The following MDFIC2 variants were observed in gnomAD, a reference collection of about 807,000 sequenced individuals.
MDFIC2 encodes MyoD family inhibitor domain containing 2.
At chr3:70,294,103 G>A (rs536431163) in intron 2 of MDFIC2, among the ~76,000 whole-genome samples, 2 of 152,136 alleles carry the variant, frequency 1.3e-5, no homozygotes, top group African/African-American at 4.8e-5. Context: ...ACTCATCTAA[G>A]TTTCCTATTC....
intron 2 of MDFIC2, among the ~76,000 whole-genome samples, chr3:70,262,008 C>T (rs1194418520): frequency 6.6e-6 from 1 of 152,164 alleles, no homozygotes; most frequent in East Asian, 1.9e-4. Flanking sequence ...AGAGTTTGAT[C>T]TAACCCCAGA....
intron 3 of MDFIC2, among the ~76,000 whole-genome samples, chr3:70,199,562 C>T (rs550970058): frequency 1.3e-5 from 2 of 152,120 alleles, no homozygotes; most frequent in South Asian, 4.2e-4. Context: ...GAATTGAAAA[C>T]AGATTTTTCC....
At chr3:70,247,975 C>A (rs1322398432) in intron 2 of MDFIC2, among the ~76,000 whole-genome samples, 6 of 151,994 alleles carry the variant, frequency 3.9e-5, no homozygotes, top group African/African-American at 7.2e-5. Context: ...GAATTTAATG[C>A]TACAATGATC....
chr3:70,242,087 T>A (rs547353421), intron 2 of MDFIC2, among the ~76,000 whole-genome samples: 28 of 152,320 alleles, frequency 1.8e-4, no homozygotes, highest in African/African-American at 6.5e-4. Context: ...TAAGGGCCAA[T>A]GATGTGTACT....
chr3:70,196,847 C>G lies in MDFIC2; in HGVS notation c.*79G>C. On this transcript the variant is annotated 3_prime_UTR_variant, in exon 4 of 4. Coordinates refer to ENST00000567252, the MANE Select transcript of MDFIC2 (RefSeq NM_001364677.1). ...AATGTGTACAGTCCTTACATTTCAG[C>G]ACATGGAAATCAGTCTTGTTGTAAT... The G allele has an allele frequency of 2.5e-6, 1 of 397,846 alleles. No homozygotes were observed. The highest frequency in any genetic ancestry group is 4.4e-6 in the Non-Finnish European group (1 of 225,874). 24.6% of individuals were successfully genotyped at this position (397,846 alleles called of 1,614,324 possible).
At position 70,195,435 on chromosome 3, in the gene MDFIC2, G is replaced by C. The variant is rs560603968; in HGVS notation, c.*1491C>G. Among the ~76,000 whole-genome samples the C allele has an allele frequency of 8.5e-5, 13 of 152,272 alleles. No individual in the cohort carries two copies. The highest frequency in any genetic ancestry group is 3.1e-4 in the African/African-American group (13 of 41,532). On this transcript the variant is annotated 3_prime_UTR_variant, in exon 4 of 4. Transcript: ENST00000567252. ...TTGAGAGTGGTTAAATGCCTTTTTAGAGGCAGTTTACAAATATTTTTAACA... is the reference window on the plus strand; with the variant it reads ...TTGAGAGTGGTTAAATGCCTTTTTACAGGCAGTTTACAAATATTTTTAACA...
intron 2 of MDFIC2, among the ~76,000 whole-genome samples, chr3:70,251,371 CT>C (rs1228458668): frequency 6.6e-6 from 1 of 152,146 alleles, no homozygotes; most frequent in African/African-American, 2.4e-5. Context: ...AATAGGGGGA[CT>C]ATCTGATTTT....
intron 2 of MDFIC2, among the ~76,000 whole-genome samples, chr3:70,236,872 C>T (rs1200254352): frequency 6.6e-6 from 1 of 152,190 alleles, no homozygotes; most frequent in Non-Finnish European, 1.5e-5. Flanking sequence ...GTTAGGATTT[C>T]AGGTAACAGC....
intron 2 of MDFIC2, among the ~76,000 whole-genome samples, chr3:70,226,103 G>A (rs974812128): frequency 1.3e-5 from 2 of 152,124 alleles, no homozygotes; most frequent in Non-Finnish European, 2.9e-5. Flanking sequence ...ACATCCCTCA[G>A]AAAACACATA....
At chr3:70,304,581 A>G (rs1312685546) in intron 2 of MDFIC2, among the ~76,000 whole-genome samples, 1 of 152,134 alleles carries the variant, frequency 6.6e-6, no homozygotes, top group Non-Finnish European at 1.5e-5. Flanking sequence ...GTATCACCCC[A>G]CACTAAGGCA....
At chr3:70,244,374 T>C (rs551204415) in intron 2 of MDFIC2, among the ~76,000 whole-genome samples, 1 of 152,336 alleles carries the variant, frequency 6.6e-6, no homozygotes, top group South Asian at 2.1e-4. Context: ...TTATATTTAA[T>C]GGCAGTCTTA....
chr3:70,299,627 A>G (rs185965582), intron 2 of MDFIC2, among the ~76,000 whole-genome samples: 107 of 152,120 alleles, frequency 7.0e-4, no homozygotes, highest in Admixed American at 2.3e-3. Context: ...TTGCCCTGAA[A>G]ACCAATATCT....
At chr3:70,240,161 T>G (rs1038463266) in intron 2 of MDFIC2, among the ~76,000 whole-genome samples, 14 of 152,090 alleles carry the variant, frequency 9.2e-5, no homozygotes, top group Non-Finnish European at 1.9e-4. Flanking sequence ...TATTTTAAAG[T>G]GTAAAATGGC....
At chr3:70,284,871 C>A (rs547188162) in intron 2 of MDFIC2, among the ~76,000 whole-genome samples, 1 of 152,002 alleles carries the variant, frequency 6.6e-6, no homozygotes, top group Non-Finnish European at 1.5e-5. Flanking sequence ...ATGTAACAAA[C>A]CTGCACATGT....
intron 2 of MDFIC2, among the ~76,000 whole-genome samples, chr3:70,246,100 A>G (rs1332820584): frequency 6.6e-6 from 1 of 151,788 alleles, no homozygotes; most frequent in Non-Finnish European, 1.5e-5. Context: ...ACACACCATA[A>G]AAAAAAACCC....
chr3:70,231,558 T>A (rs1701560220), intron 2 of MDFIC2, among the ~76,000 whole-genome samples: 1 of 152,218 alleles, frequency 6.6e-6, no homozygotes, highest in Non-Finnish European at 1.5e-5. Context: ...TTAGTTGTGC[T>A]GGATGATTAC....
chr3:70,242,437 C>G (rs1397896395), intron 2 of MDFIC2, among the ~76,000 whole-genome samples: 2 of 152,146 alleles, frequency 1.3e-5, no homozygotes, highest in Non-Finnish European at 2.9e-5. Context: ...TATGAAATCT[C>G]AGTGGCCCAT....
chr3:70,196,888 G>A lies in MDFIC2; in HGVS notation c.*38C>T, dbSNP rs1292166289. The A allele has an allele frequency of 5.0e-6, 2 of 398,252 alleles. No individual in the cohort carries two copies. Among genetic ancestry groups the A allele is most frequent in the African/African-American group, 4.1e-5 (2 of 48,602 alleles). The allele number at this position is 398,252 out of a possible 1,614,324, so 24.7% of individuals were successfully genotyped here. On this transcript the variant is annotated 3_prime_UTR_variant, in exon 4 of 4. Coordinates refer to ENST00000567252, the MANE Select transcript of MDFIC2 (RefSeq NM_001364677.1). ...TTGTTGTAATGGAATTTCCCACCGT[G>A]GCCAAAAGGACTGCCGGAATGTGGT...
chr3:70,217,537 T>C (rs1701427033), intron 2 of MDFIC2, among the ~76,000 whole-genome samples: 1 of 152,144 alleles, frequency 6.6e-6, no homozygotes, highest in Non-Finnish European at 1.5e-5. Flanking sequence ...AAATATTTTA[T>C]TTTTATCAAT....
Sources: allele counts gnomAD v4.1 joint callset (sites outside exome capture counted in the v4.1 genomes callset), GRCh38; gene constraint gnomAD v4.1.1; transcripts MANE v1.5; gene names NCBI Gene and HGNC (gene_info 2026-07-23, HGNC 2026-07-21).